The following SYN3 variants were observed in gnomAD, a reference collection of about 807,000 sequenced individuals.
SYN3 encodes the protein synapsin-3.
A neutral mutation model predicts 65.8 loss-of-function variants in SYN3; 35 were observed. The ratio of observed to expected loss-of-function variants is 0.53; its 90% CI spans 0.41 to 0.70. The LOEUF (loss-of-function observed/expected upper bound fraction) is 0.70, where lower values mean the gene tolerates loss of function less well. Among genes scored for constraint, SYN3 ranks in the 30% least tolerant of loss-of-function variants. The probability of loss-of-function intolerance (pLI) is 0.00; values close to 1 mark genes in which losing one functional copy is unlikely to be tolerated. For missense variants in SYN3, 680 were observed against 749.0 expected, an observed-to-expected ratio of 0.91 and a Z score of 1.08; for synonymous variants, 270 against 292.9, an observed-to-expected ratio of 0.92 and a Z score of 0.80.
At chr22:32,597,886 T>C (rs1324479676) in intron 6 of SYN3, among the ~76,000 whole-genome samples, 1 of 152,144 alleles carries the variant, frequency 6.6e-6, no homozygotes, top group Non-Finnish European at 1.5e-5. Flanking sequence ...CTGGAAAGAC[T>C]GTATACTTCC....
At chr22:32,850,261 A>T (rs2146248937) in intron 6 of SYN3, among the ~76,000 whole-genome samples, 1 of 151,978 alleles carries the variant, frequency 6.6e-6, no homozygotes, top group East Asian at 1.9e-4. Flanking sequence ...TCTACTCCTA[A>T]ATAGCCTGCT....
intron 1 of SYN3, among the ~76,000 whole-genome samples, chr22:33,054,415 T>G (rs1047898319): frequency 2.0e-5 from 3 of 152,182 alleles, no homozygotes; most frequent in African/African-American, 7.2e-5. Context: ...TAGGTGAAAT[T>G]TACATAACTA....
At chr22:32,636,321 G>T (rs1192142124) in intron 6 of SYN3, among the ~76,000 whole-genome samples, 1 of 150,904 alleles carries the variant, frequency 6.6e-6, no homozygotes, top group African/African-American at 2.4e-5. Flanking sequence ...AGAATGGCGT[G>T]AACCCGGGAG....
intron 6 of SYN3, among the ~76,000 whole-genome samples, chr22:32,638,367 G>A (rs1485740194): frequency 6.6e-6 from 1 of 152,246 alleles, no homozygotes; most frequent in Admixed American, 6.5e-5. Flanking sequence ...TCTGTTTTAA[G>A]TTCTTTGAGA....
chr22:32,779,133 G>T (rs2045974214), intron 6 of SYN3, among the ~76,000 whole-genome samples: 2 of 152,190 alleles, frequency 1.3e-5, no homozygotes, highest in African/African-American at 4.8e-5. Context: ...GGCCACAGAG[G>T]ATTGATAGGA....
chr22:32,630,678 T>G (rs564775130), intron 6 of SYN3, among the ~76,000 whole-genome samples: 5 of 152,242 alleles, frequency 3.3e-5, no homozygotes, highest in African/African-American at 1.2e-4. Context: ...CACAGCTATG[T>G]GACCAACACT....
At chr22:32,962,607 G>A (rs987417244) in intron 3 of SYN3, among the ~76,000 whole-genome samples, 1 of 152,170 alleles carries the variant, frequency 6.6e-6, no homozygotes, top group African/African-American at 2.4e-5. Flanking sequence ...GTGTTTTATA[G>A]AGCATGGGCA....
chr22:32,839,909 G>T (rs186077478), intron 6 of SYN3, among the ~76,000 whole-genome samples: 95 of 151,974 alleles, frequency 6.3e-4, no homozygotes, highest in African/African-American at 2.2e-3. Flanking sequence ...CGTCAGCAGG[G>T]GCCCTGAGTT....
At chr22:32,811,760 C>T (rs1181234260) in intron 6 of SYN3, among the ~76,000 whole-genome samples, 4 of 152,090 alleles carry the variant, frequency 2.6e-5, no homozygotes, top group Admixed American at 2.0e-4. Flanking sequence ...GTGGCTTAGC[C>T]ATATAGCCAA....
chr22:32,559,845 A>AG (rs2058559922), intron 7 of SYN3, among the ~76,000 whole-genome samples: 1 of 151,974 alleles, frequency 6.6e-6, no homozygotes, highest in East Asian at 1.9e-4. Context: ...AAAAAAAAAA[A>AG]AAGAAAAAAA....
chr22:32,980,763 C>A, intron 2 of SYN3, 61 bp from the exon 3 acceptor site: 1 of 1,504,758 alleles, frequency 6.6e-7, no homozygotes, highest in Non-Finnish European at 9.2e-7. Flanking sequence ...TTTCTCCCTT[C>A]TCCCAAAGGC....
chr22:32,779,872 T>C (rs534032145), intron 6 of SYN3, among the ~76,000 whole-genome samples: 2 of 152,056 alleles, frequency 1.3e-5, no homozygotes, highest in South Asian at 4.2e-4. Context: ...TGCCCTGGGA[T>C]AACCTGGGCA....
At chr22:32,528,588 G>A (rs2058020651) in intron 11 of SYN3, among the ~76,000 whole-genome samples, 1 of 152,224 alleles carries the variant, frequency 6.6e-6, no homozygotes, top group Non-Finnish European at 1.5e-5. Context: ...AGAAGGGACA[G>A]CAGTCGATCA....
At chr22:32,731,147 A>T (rs889242690) in intron 6 of SYN3, among the ~76,000 whole-genome samples, 1 of 152,186 alleles carries the variant, frequency 6.6e-6, no homozygotes, top group Non-Finnish European at 1.5e-5. Flanking sequence ...AGCTCCTGGC[A>T]TACAGTAAGT....
chr22:32,804,140 G>C (rs1196777540), intron 6 of SYN3, among the ~76,000 whole-genome samples: 2 of 152,128 alleles, frequency 1.3e-5, no homozygotes, highest in African/African-American at 2.4e-5. Context: ...GGAGATTGTG[G>C]AATCAAAAAG....
rs182791589 is a variant in SYN3, at chr22:32,926,658, A to G, written c.461+4732T>C. 6.6e-4 allele frequency among the ~76,000 whole-genome samples: 101 copies of G among 152,268 alleles called. 1 individual carries two copies. In the East Asian group the frequency reaches 9.8e-3, roughly 15 times the overall value. ...TTTCTATATGCTTATATTTTAGATGAATGTCTTGAATGGAAAACATTTAGA... is the reference window on the plus strand; with the variant it reads ...TTTCTATATGCTTATATTTTAGATGGATGTCTTGAATGGAAAACATTTAGA... On this transcript the variant is annotated intron_variant, in intron 4 of 13. Transcript: ENST00000358763.
At chr22:32,964,419 T>TAA (rs201659599) in intron 3 of SYN3, among the ~76,000 whole-genome samples, 3 of 128,716 alleles carry the variant, frequency 2.3e-5, no homozygotes, top group Non-Finnish European at 3.4e-5. Flanking sequence ...TAAAGTATAA[T>TAA]AAAAAAAAAA....
chr22:32,917,819 C>T (rs561223906), intron 4 of SYN3, among the ~76,000 whole-genome samples: 2 of 152,262 alleles, frequency 1.3e-5, no homozygotes, highest in Non-Finnish European at 2.9e-5. Flanking sequence ...AGCCTGGCAT[C>T]GCTTTACAGG....
intron 6 of SYN3, among the ~76,000 whole-genome samples, chr22:32,806,164 A>G (rs1384614437): frequency 6.6e-6 from 1 of 151,898 alleles, no homozygotes; most frequent in Non-Finnish European, 1.5e-5. Flanking sequence ...AGTGGGAGGT[A>G]CCCGGTCTGC....
Sources: gnomAD v4.1 joint callset for allele counts (sites outside exome capture counted in the v4.1 genomes callset) on GRCh38, gnomAD v4.1.1 for gene constraint, MANE v1.5 for transcripts, NCBI Gene and HGNC (gene_info 2026-07-23, HGNC 2026-07-21) for gene names.